The following ITIH2 variants were observed in gnomAD, a reference collection of about 807,000 sequenced individuals.
ITIH2 encodes the protein inter-alpha-trypsin inhibitor heavy chain H2.
A neutral mutation model predicts 104.4 loss-of-function variants in ITIH2; 103 were observed. The ratio of observed to expected loss-of-function variants is 0.99; its 90% CI spans 0.84 to 1.16. The LOEUF (loss-of-function observed/expected upper bound fraction) is 1.16, where lower values mean the gene tolerates loss of function less well. Ranked by LOEUF, ITIH2 falls within the 50% of genes most tolerant of loss-of-function variation. ITIH2 has a pLI of 0.00. For synonymous variants in ITIH2, 436 were observed against 435.4 expected (o/e 1.00, Z -0.02); for missense variants, 1,108 against 1,162.4 (o/e 0.95, Z 0.68).
chr10:7,711,104 G>A (rs528478179), intron 4 of ITIH2, among the ~76,000 whole-genome samples: 15 of 152,052 alleles, frequency 9.9e-5, no homozygotes, highest in African/African-American at 2.9e-4. Context: ...CCTACCGCCC[G>A]ACAGGACACG....
intron 6 of ITIH2, among the ~76,000 whole-genome samples, chr10:7,720,163 G>T (rs944885314): frequency 1.3e-5 from 2 of 151,604 alleles, no homozygotes; most frequent in African/African-American, 4.9e-5. Context: ...TGGGGTGAGG[G>T]ATGAGAAATT....
rs1834986380 is a variant in ITIH2 at position 7,730,001 on chromosome 10, A to C, written c.1329A>C (p.Gln443His). The change falls in exon 12 of 21, where the codon CAA becomes CAC. Residue 443 changes from glutamine to histidine, a missense_variant. By Grantham distance (24) the Gln-to-His change is conservative (BLOSUM62 0). Coordinates refer to ENST00000358415, the MANE Select transcript of ITIH2 (RefSeq NM_002216.3). ...AGAAAAACGTTAAGGAGAACATCCA[A>C]GACAATATCTCCTTGTTCAGTTTGG... ...KIQKNVKENI[Q>H]DNISLFSLGM... The C allele has an allele frequency of 8.1e-6, 13 of 1,613,014 alleles. No homozygotes were observed. The highest frequency in any genetic ancestry group is 1.1e-5 in the Non-Finnish European group (13 of 1,179,516).
Position 7,723,548 on chromosome 10 carries a change from G to A in ITIH2, c.965G>A (p.Trp322Ter). 6.2e-7 allele frequency: 1 copy of A among 1,611,996 alleles called. No homozygotes were observed. The highest frequency in any genetic ancestry group is 1.3e-5 in the African/African-American group (1 of 74,970). ...GTCATCGATGTGAGTGGCTCCATGT[G>A]GGGAGTTAAAATGAAACAAGTAAGT... ...LFVIDVSGSM[W>*]GVKMKQTVEA... Residue 322 changes from tryptophan (W) to a stop codon, truncating the protein, a stop_gained, in exon 9 of 21, where the codon TGG (tryptophan) becomes TAG (stop). Coordinates refer to ENST00000358415, the MANE Select transcript of ITIH2 (RefSeq NM_002216.3). LOFTEE classifies it high-confidence loss of function.
At chr10:7,709,967 C>T (rs1834781555) in intron 4 of ITIH2, among the ~76,000 whole-genome samples, 1 of 152,280 alleles carries the variant, frequency 6.6e-6, no homozygotes, top group Non-Finnish European at 1.5e-5. Context: ...CATTCTCCTG[C>T]CTCAGCCTCC....
rs111321451 is a variant in ITIH2, at chr10:7,731,092, T to A, written c.1462-719T>A. ...TGCCACCAGGCCCGGCTAATTTTTG[T>A]ATTTTTAGAAGAGACAGGGTTTACC... On this transcript the variant is annotated intron_variant, in intron 12 of 20. Transcript: ENST00000358415. 3.1e-3 allele frequency among the ~76,000 whole-genome samples: 471 copies of A among 152,178 alleles called. 3 individuals are homozygous for A. Among genetic ancestry groups the A allele is most frequent in the African/African-American group, 0.011 (455 of 41,506 alleles).
At chr10:7,734,785 G>C (rs1835036661) in intron 14 of ITIH2, 137 bp from the exon 15 acceptor site, 2 of 653,822 alleles carry the variant, frequency 3.1e-6, no homozygotes, top group African/African-American at 1.8e-5. Context: ...AGTGAGTTCT[G>C]TTTCCCAGTT....
chr10:7,714,416 C>T (rs1173024937), intron 5 of ITIH2, among the ~76,000 whole-genome samples: 1 of 152,076 alleles, frequency 6.6e-6, no homozygotes, highest in Non-Finnish European at 1.5e-5. Context: ...TCGTGATCCG[C>T]CCGCCTCGGC....
intron 5 of ITIH2, among the ~76,000 whole-genome samples, chr10:7,714,714 G>A (rs1467515122): frequency 1.3e-5 from 2 of 152,152 alleles, no homozygotes; most frequent in Non-Finnish European, 1.5e-5. Context: ...TATCTGCAGT[G>A]GGCAAGGGCT....
chr10:7,714,165 A>ATTTTTTTTTTTTTTTTTTTT (rs996413668), intron 5 of ITIH2, among the ~76,000 whole-genome samples: 1 of 84,044 alleles, frequency 1.2e-5, no homozygotes, highest in Admixed American at 1.5e-4. Flanking sequence ...CACACTCACT[A>ATTTTTTTTTTTTTTTTTTTT]TTTTTTTTTT....
rs191642998 is a variant in ITIH2 at position 7,711,397 on chromosome 10, G to A, written c.363-1784G>A. Among the ~76,000 whole-genome samples, 210 of 152,220 alleles carry A rather than the reference G, an allele frequency of 1.4e-3. 2 individuals are homozygous for A. Among genetic ancestry groups the A allele is most frequent in the African/African-American group, 4.9e-3 (203 of 41,548 alleles). ...CATGCATTTACTTTTATCTCCCTCTGCTCTGAGCTGAATCTATAAGACCAG... is the reference window on the plus strand; with the variant it reads ...CATGCATTTACTTTTATCTCCCTCTACTCTGAGCTGAATCTATAAGACCAG... On this transcript the variant is annotated intron_variant, in intron 4 of 20. Coordinates refer to ENST00000358415, the MANE Select transcript of ITIH2 (RefSeq NM_002216.3).
chr10:7,714,165 ATTTTTTTTTTT>A (rs996413668), intron 5 of ITIH2, among the ~76,000 whole-genome samples: 1 of 84,044 alleles, frequency 1.2e-5, no homozygotes, highest in East Asian at 3.1e-4. Flanking sequence ...CACACTCACT[ATTTTTTTTTTT>A]TTTTTTTTTT....
At chr10:7,744,578 G>A (rs1835157682) in intron 18 of ITIH2, among the ~76,000 whole-genome samples, 1 of 152,202 alleles carries the variant, frequency 6.6e-6, no homozygotes, top group Non-Finnish European at 1.5e-5. Flanking sequence ...CTATCGCAGA[G>A]TGAGCTCCAA....
intron 20 of ITIH2, 95 bp downstream of exon 20, chr10:7,746,799 C>T (rs183668774): frequency 1.9e-4 from 137 of 734,844 alleles, no homozygotes; most frequent in Admixed American, 1.1e-3. Context: ...GTGTCGTAGG[C>T]ACTACCTACA....
At chr10:7,706,593 C>G (rs903199447) in intron 2 of ITIH2, among the ~76,000 whole-genome samples, 1 of 152,188 alleles carries the variant, frequency 6.6e-6, no homozygotes, top group African/African-American at 2.4e-5. Flanking sequence ...AGACTTTAGT[C>G]AAATAATCCC....
rs372146767 is a variant in ITIH2 at position 7,721,638 on chromosome 10, G to T, written c.739-11G>T. On this transcript the variant is annotated splice_polypyrimidine_tract_variant and intron_variant, in intron 7 of 20. Coordinates refer to ENST00000358415, the MANE Select transcript of ITIH2 (RefSeq NM_002216.3). ...TAGAGGCAGAGGCTCTGATGTCACC[G>T]TTCTTTCTAGGCGCACGTCTCCTTC... is the stretch of plus-strand genomic sequence containing the variant. 167 of 1,612,014 alleles carry T rather than the reference G, an allele frequency of 1.0e-4. No homozygotes were observed. Among genetic ancestry groups the T allele is most frequent in the Non-Finnish European group, 9.5e-5 (112 of 1,178,768 alleles).
At chr10:7,705,449 T>C (rs188193446) in intron 2 of ITIH2, among the ~76,000 whole-genome samples, 1 of 152,296 alleles carries the variant, frequency 6.6e-6, no homozygotes, top group Admixed American at 6.5e-5. Context: ...CTCCCACTTA[T>C]AATCACAGCA....
chr10:7,704,267 C>T (rs1053396994), intron 1 of ITIH2, among the ~76,000 whole-genome samples: 3 of 152,164 alleles, frequency 2.0e-5, no homozygotes, highest in Non-Finnish European at 4.4e-5. Context: ...TATAAAAATG[C>T]CAGAGAATAT....
intron 5 of ITIH2, among the ~76,000 whole-genome samples, chr10:7,715,942 A>G (rs1834845471): frequency 6.6e-6 from 1 of 151,614 alleles, no homozygotes; most frequent in Non-Finnish European, 1.5e-5. Flanking sequence ...GGCTCACTAC[A>G]ACCTCCACCT....
intron 13 of ITIH2, 110 bp from the exon 14 acceptor site, chr10:7,732,228 C>T: frequency 7.8e-7 from 1 of 1,280,528 alleles, no homozygotes; most frequent in Non-Finnish European, 1.1e-6. Context: ...TAGGCTTTGC[C>T]TTCCATTTCT....
Sources: gnomAD v4.1 joint callset for allele counts (sites outside exome capture counted in the v4.1 genomes callset) on GRCh38, gnomAD v4.1.1 for gene constraint, MANE v1.5 for transcripts, NCBI Gene and HGNC (gene_info 2026-07-23, HGNC 2026-07-21) for gene names.